The following IKZF2 variants were observed in gnomAD, a reference collection of about 807,000 sequenced individuals.
IKZF2 encodes the protein IKAROS family zinc finger 2.
IKZF2 carries 15 observed loss-of-function variants against 49.2 expected under a neutral mutation model. The observed-to-expected ratio is 0.30, with a 90% CI of 0.20 to 0.47. The LOEUF (loss-of-function observed/expected upper bound fraction) is 0.47. Among genes scored for constraint, IKZF2 ranks in the 20% least tolerant of loss-of-function variants. The probability of loss-of-function intolerance (pLI) is 1.00; values close to 1 mark genes in which losing one functional copy is unlikely to be tolerated. For missense variants in IKZF2, 567 were observed against 664.6 expected (o/e 0.85, Z 1.61); for synonymous variants, 227 against 221.4 (o/e 1.03, Z -0.23).
intron 4 of IKZF2, among the ~76,000 whole-genome samples, chr2:213,112,845 T>C (rs1484622970): frequency 6.6e-6 from 1 of 152,182 alleles, no homozygotes; most frequent in Non-Finnish European, 1.5e-5. Context: ...TTTTCATCTA[T>C]AACAGCGGGG....
chr2:213,107,103 G>C (rs987780184), intron 4 of IKZF2, among the ~76,000 whole-genome samples: 7 of 152,112 alleles, frequency 4.6e-5, no homozygotes, highest in Admixed American at 3.3e-4. Flanking sequence ...CATTGTCTAT[G>C]ATGAGCAAAT....
intron 1 of IKZF2, among the ~76,000 whole-genome samples, chr2:213,150,830 T>C (rs1274927181): frequency 6.6e-6 from 1 of 151,584 alleles, no homozygotes; most frequent in Non-Finnish European, 1.5e-5. Flanking sequence ...TAATTCCATC[T>C]CTTTCGCCCA....
chr2:213,009,961 A>G (rs1695769443), intron 8 of IKZF2, among the ~76,000 whole-genome samples: 1 of 152,254 alleles, frequency 6.6e-6, no homozygotes, highest in Non-Finnish European at 1.5e-5. Context: ...GCGAAAGACA[A>G]GTTAGATAAT....
At chr2:213,067,764 G>A (rs915155237) in intron 4 of IKZF2, among the ~76,000 whole-genome samples, 4 of 152,120 alleles carry the variant, frequency 2.6e-5, no homozygotes, top group African/African-American at 9.6e-5. Context: ...ATAGATATAT[G>A]TGTCTGTCTT....
intron 6 of IKZF2, among the ~76,000 whole-genome samples, 186 bp from the exon 7 acceptor site, chr2:213,022,316 A>G (rs1287694830): frequency 6.6e-6 from 1 of 152,208 alleles, no homozygotes; most frequent in Non-Finnish European, 1.5e-5. Context: ...AGACAAGAAG[A>G]CAGGTGGATC....
intron 4 of IKZF2, among the ~76,000 whole-genome samples, chr2:213,095,071 A>G (rs1433255256): frequency 1.3e-5 from 2 of 152,170 alleles, no homozygotes; most frequent in African/African-American, 4.8e-5. Context: ...GGCAACTAAA[A>G]GTACAAACCT....
At chr2:213,019,016 A>G (rs889916265) in intron 7 of IKZF2, among the ~76,000 whole-genome samples, 1 of 152,142 alleles carries the variant, frequency 6.6e-6, no homozygotes, top group East Asian at 1.9e-4. Flanking sequence ...CTACCAGACT[A>G]TAAAGTAAGT....
At chr2:213,131,958 G>A (rs947007093) in intron 4 of IKZF2, among the ~76,000 whole-genome samples, 5 of 152,256 alleles carry the variant, frequency 3.3e-5, no homozygotes, top group Non-Finnish European at 2.9e-5. Context: ...AGACTACTAT[G>A]TATAAGGCAC....
intron 8 of IKZF2, among the ~76,000 whole-genome samples, chr2:213,009,389 A>C (rs1559157817): frequency 6.6e-6 from 1 of 152,112 alleles, no homozygotes. Context: ...TTTACCAGTT[A>C]CTTTCATAGG....
chr2:213,094,695 A>G (rs150029099), intron 4 of IKZF2, among the ~76,000 whole-genome samples: 7 of 152,290 alleles, frequency 4.6e-5, no homozygotes, highest in Non-Finnish European at 1.0e-4. Context: ...CCTGTACAAA[A>G]GCATTTTAAT....
chr2:213,083,551 CTTTT>C, intron 4 of IKZF2, among the ~76,000 whole-genome samples: 1 of 93,954 alleles, frequency 1.1e-5, no homozygotes, highest in African/African-American at 4.0e-5. Flanking sequence ...ACCAGGCTAA[CTTTT>C]TTTTTTTTTT....
At chr2:213,148,696 C>A (rs768221787) in intron 2 of IKZF2, 52 bp from the exon 3 acceptor site, 28 of 1,435,200 alleles carry the variant, frequency 2.0e-5, no homozygotes, top group Non-Finnish European at 2.5e-5. Flanking sequence ...TCAGTATCTG[C>A]CATTAAATTC....
intron 6 of IKZF2, among the ~76,000 whole-genome samples, chr2:213,026,948 C>A (rs894033141): frequency 6.6e-6 from 1 of 151,890 alleles, no homozygotes; most frequent in African/African-American, 2.4e-5. Flanking sequence ...GATTATTTTT[C>A]TTTTTACCAT....
At chr2:213,056,777 T>G in intron 5 of IKZF2, 56 bp downstream of exon 5, 1 of 1,594,386 alleles carries the variant, frequency 6.3e-7, no homozygotes, top group Non-Finnish European at 8.6e-7. Context: ...AGATGTCAGG[T>G]AATATCAACA....
At chr2:213,099,916 G>A (rs1706457050) in intron 4 of IKZF2, among the ~76,000 whole-genome samples, 1 of 152,002 alleles carries the variant, frequency 6.6e-6, no homozygotes, top group Non-Finnish European at 1.5e-5. Context: ...ATGAGTAAAG[G>A]CTCTACTGCT....
At chr2:213,132,585 G>A (rs1395376361) in intron 4 of IKZF2, among the ~76,000 whole-genome samples, 1 of 152,146 alleles carries the variant, frequency 6.6e-6, no homozygotes, top group Non-Finnish European at 1.5e-5. Context: ...AACACATAGA[G>A]CACCATAAGT....
chr2:213,014,985 T>A (rs1559164209), intron 7 of IKZF2: 1 of 152,020 alleles, frequency 6.6e-6, no homozygotes, highest in African/African-American at 2.4e-5. Flanking sequence ...TTTACTCTGA[T>A]CCTTTCATTT....
chr2:213,121,803 C>T (rs758763353), intron 4 of IKZF2, among the ~76,000 whole-genome samples: 1 of 152,210 alleles, frequency 6.6e-6, no homozygotes, highest in African/African-American at 2.4e-5. Flanking sequence ...AGTTCCTTCT[C>T]AGTTTGGTTA....
At chr2:213,149,850 A>G (rs531488181) in intron 2 of IKZF2, among the ~76,000 whole-genome samples, 12 of 150,604 alleles carry the variant, frequency 8.0e-5, no homozygotes, top group Admixed American at 2.7e-4. Flanking sequence ...CTCAGTCACT[A>G]CATAGCACTT....
Sources: gnomAD v4.1 joint callset for allele counts (sites outside exome capture counted in the v4.1 genomes callset) on GRCh38, gnomAD v4.1.1 for gene constraint, MANE v1.5 for transcripts, NCBI Gene and HGNC (gene_info 2026-07-23, HGNC 2026-07-21) for gene names.